CEP44: variants seen among roughly 807,000 people sequenced by gnomAD.
CEP44 encodes centrosomal protein 44, also known as centrosomal protein of 44 kDa.
A neutral mutation model predicts 46.7 loss-of-function variants in CEP44; 45 were observed. The observed-to-expected ratio is 0.96, with a 90% CI of 0.76 to 1.24. The LOEUF is 1.24. Among genes scored for constraint, CEP44 ranks in the 50% most tolerant of loss-of-function variants. CEP44 has a pLI of 0.00. For missense variants in CEP44, 475 were observed against 459.7 expected (o/e 1.03, Z -0.30); for synonymous variants, 142 against 146.0 (o/e 0.97, Z 0.20).
rs1354829246 is a variant in CEP44 at position 174,314,475 on chromosome 4, CTA to C, written c.962-1689_962-1688del. Among the ~76,000 whole-genome samples the C allele has an allele frequency of 6.6e-6, 1 of 152,206 alleles. No individual in the cohort carries two copies. Among genetic ancestry groups the C allele is most frequent in the Non-Finnish European group, 1.5e-5 (1 of 68,034 alleles). ...CCTCTGGAATCCTCTGTAGGAATAA[CTA>C]TGAATAGCCTGCCAGCCTGCCAAAT... On this transcript the variant is annotated intron_variant, in intron 9 of 11. Coordinates refer to ENST00000503780, the MANE Select transcript of CEP44 (RefSeq NM_001040157.3). This position sits in a 1 kb window ranked among gnomAD's most constrained non-coding sequence, Gnocchi z 4.1.
rs1428759950 is a variant in CEP44, at chr4:174,318,985, T to G, written c.*1602T>G. On this transcript the variant is annotated 3_prime_UTR_variant, in exon 12 of 12. Transcript: ENST00000503780. ...CCGTCATGCCTGGCTAATTTTTGTA[T>G]TTTTGTAGAGACAGGGTTTCACCAT... The G allele has an allele frequency of 6.8e-6, 2 of 294,624 alleles. No homozygotes were observed. Among genetic ancestry groups the G allele is most frequent in the African/African-American group, 4.5e-5 (2 of 44,016 alleles). The allele number at this position is 294,624 out of a possible 1,614,324, so 18.3% of individuals were successfully genotyped here.
At chr4:174,320,831 G>A (rs139198878), downstream of CEP44, among the ~76,000 whole-genome samples, 8 of 152,060 alleles carry the variant, frequency 5.3e-5, no homozygotes, top group African/African-American at 9.6e-5. Flanking sequence ...TTATTTTACC[G>A]CTTTAATATG....
rs374542523 is a variant in CEP44 at position 174,309,942 on chromosome 4, G to T, written c.771G>T (p.Arg257Ser). ...NLKKLTSIEK[R>S]LDCLEQKMKG... is the part of the protein sequence containing the mutation. ...AGAAACTGACTTCGATAGAGAAAAGGTTAGACTGTTTGGAACAAAAAATGA... is the reference window on the plus strand; with the variant it reads ...AGAAACTGACTTCGATAGAGAAAAGTTTAGACTGTTTGGAACAAAAAATGA... Residue 257 changes from arginine to serine, a missense_variant, in exon 8 of 12, where the codon AGG (arginine) becomes AGT (serine). Transcript: ENST00000503780. The surrounding 1 kb of genome is among the most constrained non-coding windows in gnomAD (Gnocchi z 5.3). 53 of 1,612,654 alleles carry T rather than the reference G, an allele frequency of 3.3e-5. No individual in the cohort carries two copies. The highest frequency in any genetic ancestry group is 4.4e-5 in the Non-Finnish European group (52 of 1,179,200).
Position 174,317,349 on chromosome 4 carries a change from C to A in CEP44, c.1139C>A (p.Ala380Glu). 7.2e-7 allele frequency: 1 copy of A among 1,392,878 alleles called. No homozygotes were observed. The highest frequency in any genetic ancestry group is 9.6e-7 in the Non-Finnish European group (1 of 1,043,158). 86.3% of individuals were successfully genotyped at this position (1,392,878 alleles called of 1,614,324 possible). The stretch of plus-strand genomic sequence containing the variant: ...TTATATTTCAGGTTTGAAGAAACTG[C>A]AGAGTTACTGAAATGTCCAAATCAC... Reference protein sequence around the residue: ...ERMKKMFEETAELLKCPNHYL With the variant: ...ERMKKMFEETEELLKCPNHYL The change falls in exon 12 of 12, where the codon GCA (alanine) becomes GAA (glutamate). Residue 380 changes from alanine (A) to glutamate (E), a missense_variant. Transcript: ENST00000503780.
Position 174,298,376 on chromosome 4 carries a change from C to T in CEP44, c.-51+314C>T, listed in dbSNP as rs58827422. ...ATTTTTAGTAGAGACGGGGTTTCAC[C>T]GTTTTAGCCGGGATGGTCTCGATCT... On this transcript the variant is annotated intron_variant, in intron 2 of 11. Transcript: ENST00000503780. 7.1e-3 allele frequency among the ~76,000 whole-genome samples: 1,080 copies of T among 151,502 alleles called. 13 individuals carry two copies. The highest frequency in any genetic ancestry group is 0.025 in the African/African-American group (1,031 of 41,324).
intron 2 of CEP44, among the ~76,000 whole-genome samples, 153 bp downstream of exon 2, chr4:174,298,215 G>T (rs530555182): frequency 8.7e-6 from 1 of 114,492 alleles, no homozygotes; most frequent in African/African-American, 3.4e-5. Flanking sequence ...TCGCTCTGTC[G>T]CCCAGGCTGG....
chr4:174,308,032 C>T (rs1174284979), intron 6 of CEP44, among the ~76,000 whole-genome samples: 2 of 152,034 alleles, frequency 1.3e-5, no homozygotes, highest in African/African-American at 2.4e-5. Flanking sequence ...GTTCAACCAC[C>T]GTGGAAGACA....
At chr4:174,308,916 A>G (rs1740761670) in intron 7 of CEP44, 57 bp downstream of exon 7, 3 of 1,420,432 alleles carry the variant, frequency 2.1e-6, no homozygotes, top group Non-Finnish European at 3.0e-6. Context: ...AATATGTGTA[A>G]TTATTTCAGC....
Position 174,325,377 on chromosome 4 carries a change from T to C in CEP44, c.1087-6105T>C, listed in dbSNP as rs1380010778. Among the ~76,000 whole-genome samples the C allele has an allele frequency of 5.3e-5, 8 of 152,090 alleles. No homozygotes were observed. The highest frequency in any genetic ancestry group is 5.3e-4 in the Admixed American group (8 of 15,236). Reference sequence around the variant, plus strand: ...CATCACTGAGAGAGGGGTGTAGCCATGTACAGTCACTCATGCCTGTAATTC... The same window carrying C: ...CATCACTGAGAGAGGGGTGTAGCCACGTACAGTCACTCATGCCTGTAATTC... On this transcript the variant is annotated intron_variant, in intron 8 of 8. Transcript: ENST00000426172. This position sits in a 1 kb window ranked among gnomAD's most constrained non-coding sequence, Gnocchi z 4.4.
rs1731303889 is a variant in CEP44, at chr4:174,331,199, A to G, written c.1087-283A>G. 2.0e-5 allele frequency among the ~76,000 whole-genome samples: 3 copies of G among 151,836 alleles called. No individual in the cohort carries two copies. The highest frequency in any genetic ancestry group is 2.9e-5 in the Non-Finnish European group (2 of 67,964). On this transcript the variant is annotated intron_variant, in intron 8 of 8. Coordinates refer to the CEP44 transcript ENST00000426172. The surrounding 1 kb of genome is among the most constrained non-coding windows in gnomAD (Gnocchi z 4.5). ...CCAATTTTTTAATTAAAGTAAGACA[A>G]TTGCATAGATTTCTTATTGCCATCA...
rs1487916964 is a variant in CEP44 at position 174,310,119 on chromosome 4, T to G, written c.885+63T>G. Reference sequence around the variant, plus strand: ...TATAACAAAGTTTTTTTTTGATTGTTATATGTGTATTTTTTTGGAAATGCT... The same window carrying G: ...TATAACAAAGTTTTTTTTTGATTGTGATATGTGTATTTTTTTGGAAATGCT... On this transcript the variant is annotated intron_variant, in intron 8 of 11. Transcript: ENST00000503780. The surrounding 1 kb of genome is among the most constrained non-coding windows in gnomAD (Gnocchi z 4.2). 3.5e-6 allele frequency: 5 copies of G among 1,445,560 alleles called. No homozygotes were observed. The East Asian group carries it at 1.2e-4, about 35-fold the overall frequency. The allele number at this position is 1,445,560 out of a possible 1,614,324, so 89.5% of individuals were successfully genotyped here. A position where few individuals can be genotyped will look rare whatever the true frequency, so the allele number is the denominator to read the frequency against.
At position 174,311,688 on chromosome 4, in the gene CEP44, C is replaced by T. The variant is rs550836275; in HGVS notation, c.961+830C>T. Among the ~76,000 whole-genome samples the T allele has an allele frequency of 2.6e-4, 39 of 152,244 alleles. No individual in the cohort carries two copies. The highest frequency in any genetic ancestry group is 5.9e-4 in the Admixed American group (9 of 15,282). The stretch of plus-strand genomic sequence containing the variant: ...TGAAGTAACCATTGCAAGATAAGTA[C>T]TATTTTTATATTTTACAGTTGAGGA... On this transcript the variant is annotated intron_variant, in intron 9 of 11. Transcript: ENST00000503780. This position sits in a 1 kb window ranked among gnomAD's most constrained non-coding sequence, Gnocchi z 4.4.
chr4:174,320,412 C>G, downstream of CEP44: 1 of 676,046 alleles, frequency 1.5e-6, no homozygotes, highest in Non-Finnish European at 1.7e-6. Context: ...ATATAACCTT[C>G]TCAATTTTAT....
chr4:174,286,430 G>A lies in CEP44; in HGVS notation c.-148+2487G>A, dbSNP rs1737594561. Among the ~76,000 whole-genome samples, 1 of 152,124 alleles carries A rather than the reference G, an allele frequency of 6.6e-6. No homozygotes were observed. Among genetic ancestry groups the A allele is most frequent in the African/African-American group, 2.4e-5 (1 of 41,430 alleles). The stretch of plus-strand genomic sequence containing the variant: ...TGTTCTGTTTTCATTTTAATATAAT[G>A]ACTTCATTTTAATGTGATAACTTCA... On this transcript the variant is annotated intron_variant, in intron 1 of 11. Coordinates refer to ENST00000503780, the MANE Select transcript of CEP44 (RefSeq NM_001040157.3). The surrounding 1 kb of genome is among the most constrained non-coding windows in gnomAD (Gnocchi z 5.2).
chr4:174,291,062 CGTATA>C (rs1239227265), intron 1 of CEP44, among the ~76,000 whole-genome samples: 2 of 152,086 alleles, frequency 1.3e-5, no homozygotes, highest in Non-Finnish European at 2.9e-5. Context: ...TTGTAGATAG[CGTATA>C]GTTGAGTGTT....
chr4:174,294,352 G>T (rs1434361931), intron 1 of CEP44, among the ~76,000 whole-genome samples: 3 of 151,892 alleles, frequency 2.0e-5, no homozygotes, highest in Non-Finnish European at 4.4e-5. Flanking sequence ...GAGAGCACAG[G>T]GTTGGGGGTA....
chr4:174,296,877 G>T (rs1326952041), intron 1 of CEP44, among the ~76,000 whole-genome samples: 2 of 133,518 alleles, frequency 1.5e-5, no homozygotes, highest in African/African-American at 5.6e-5. Flanking sequence ...GTCAGTTTTT[G>T]TTTCATATAT....
At chr4:174,320,684 CTGTGTGTGTGTGTGTGTGTA>C (rs573044532), downstream of CEP44, among the ~76,000 whole-genome samples, 3,432 of 147,502 alleles carry the variant, frequency 0.023, 73 homozygotes, top group African/African-American at 0.054. Flanking sequence ...TGAGTGTGCT[CTGTGTGTGTGTGTGTGTGTA>C]TGTGTGTGTG....
At chr4:174,316,486 T>G in intron 10 of CEP44, 44 bp from the exon 11 acceptor site, 2 of 1,523,696 alleles carry the variant, frequency 1.3e-6, no homozygotes, top group Non-Finnish European at 1.8e-6. Context: ...TGATGATGGT[T>G]TACTTTGAGA....
Sources: gnomAD v4.1 joint callset for allele counts (sites outside exome capture counted in the v4.1 genomes callset) on GRCh38, gnomAD v4.1.1 for gene constraint, Gnocchi (gnomAD v3.1) non-coding constraint, MANE v1.5 for transcripts, NCBI Gene and HGNC (gene_info 2026-07-23, HGNC 2026-07-21) for gene names.